POLR3B: variants seen among roughly 807,000 people sequenced by gnomAD.
The protein encoded by POLR3B is DNA-directed RNA polymerase III subunit RPC2.
POLR3B carries 96 observed loss-of-function variants against 147.4 expected under a neutral mutation model. That is an observed-to-expected ratio of 0.65 (90% CI 0.55 to 0.77). The LOEUF is 0.77. Among genes scored for constraint, POLR3B ranks in the 30% least tolerant of loss-of-function variants. POLR3B has a pLI of 0.00. For synonymous variants in POLR3B, 461 were observed against 485.9 expected (o/e 0.95, Z 0.67); for missense variants, 1,036 against 1,413.5 (o/e 0.73, Z 4.28).
At chr12:106,491,187 T>G (rs2137068771) in intron 23 of POLR3B, among the ~76,000 whole-genome samples, 1 of 152,350 alleles carries the variant, frequency 6.6e-6, no homozygotes, top group Admixed American at 6.5e-5. Context: ...TTAGCTCATC[T>G]GTTCTTCTAA....
intron 9 of POLR3B, among the ~76,000 whole-genome samples, chr12:106,391,763 G>A (rs1009751819): frequency 6.6e-6 from 1 of 152,340 alleles, no homozygotes; most frequent in Middle Eastern, 3.4e-3. Context: ...CTTTTAGATA[G>A]ATGCCCCTGT....
intron 24 of POLR3B, 81 bp downstream of exon 24, chr12:106,496,239 G>A (rs1285822197): frequency 1.1e-6 from 1 of 889,556 alleles, no homozygotes; most frequent in South Asian, 1.3e-5. Flanking sequence ...GAGTGGAGGT[G>A]ACGAGGACTC....
At position 106,454,524 on chromosome 12, in the gene POLR3B, A is replaced by G. The variant is rs1200749721; in HGVS notation, c.2106A>G (p.Arg702=). 6 of 1,596,858 alleles carry G rather than the reference A, an allele frequency of 3.8e-6. No homozygotes were observed. The highest frequency in any genetic ancestry group is 1.3e-5 in the African/African-American group (1 of 74,544). Residue 702 remains arginine, a synonymous_variant, in exon 20 of 28, where the codon CGA becomes CGG. Transcript: ENST00000228347. ...QAMGTIGYNQ[R]NRIDTLMYLL... is the part of the protein sequence containing the mutation. Reference sequence around the variant, plus strand: ...CAGGTACTATAGGATACAACCAGCGAAACAGAATTGATACTCTCATGTATC... The same window carrying G: ...CAGGTACTATAGGATACAACCAGCGGAACAGAATTGATACTCTCATGTATC...
intron 18 of POLR3B, among the ~76,000 whole-genome samples, chr12:106,442,091 AAG>A (rs762993956): frequency 1.0e-4 from 8 of 78,924 alleles, no homozygotes; most frequent in African/African-American, 4.8e-4. Context: ...AAAAAAAAAA[AAG>A]AAAGAAAGAA....
At chr12:106,391,370 A>G (rs993455187) in intron 9 of POLR3B, among the ~76,000 whole-genome samples, 2 of 152,108 alleles carry the variant, frequency 1.3e-5, no homozygotes, top group Non-Finnish European at 2.9e-5. Flanking sequence ...ATTTTTTTCT[A>G]TAGAGGTGAG....
At chr12:106,467,099 C>G (rs1291199549) in intron 23 of POLR3B, among the ~76,000 whole-genome samples, 5 of 152,144 alleles carry the variant, frequency 3.3e-5, no homozygotes, top group African/African-American at 9.7e-5. Context: ...GAATGTTTTT[C>G]CATTTGTTTG....
intron 23 of POLR3B, among the ~76,000 whole-genome samples, chr12:106,472,432 C>T (rs1160178711): frequency 4.0e-5 from 6 of 148,202 alleles, no homozygotes; most frequent in South Asian, 4.3e-4. Flanking sequence ...CCTGAGGAAT[C>T]GCCACACTGA....
chr12:106,410,091 C>T (rs972297129), intron 11 of POLR3B, among the ~76,000 whole-genome samples: 103 of 152,316 alleles, frequency 6.8e-4, no homozygotes, highest in African/African-American at 2.4e-3. Flanking sequence ...CATGTTAGTA[C>T]AATTCTTGTT....
chr12:106,456,724 A>T (rs1274990228), intron 20 of POLR3B, among the ~76,000 whole-genome samples: 1 of 152,076 alleles, frequency 6.6e-6, no homozygotes, highest in Non-Finnish European at 1.5e-5. Flanking sequence ...TTGGCCACTT[A>T]ATTTCTCTAG....
chr12:106,477,827 C>A (rs796837444), intron 23 of POLR3B, among the ~76,000 whole-genome samples: 20 of 147,796 alleles, frequency 1.4e-4, no homozygotes, highest in African/African-American at 4.9e-4. Context: ...CCGTCTTCTG[C>A]GTCGCTCACG....
rs1426526169 is a variant in POLR3B at position 106,405,698 on chromosome 12, T to A, written c.847-159T>A. The stretch of plus-strand genomic sequence containing the variant: ...AGGCAGTATGCTATGCTTTTTGTCA[T>A]TGATTTATGATAAACGTTGATTTTC... On this transcript the variant is annotated intron_variant, in intron 10 of 27. Coordinates refer to ENST00000228347, the MANE Select transcript of POLR3B (RefSeq NM_018082.6). Among the ~76,000 whole-genome samples, 4 of 152,162 alleles carry A rather than the reference T, an allele frequency of 2.6e-5. No individual in the cohort carries two copies. The South Asian group carries it at 8.3e-4, about 32-fold the overall frequency.
At chr12:106,364,109 A>G (rs1422178194) in intron 2 of POLR3B, among the ~76,000 whole-genome samples, 2 of 152,246 alleles carry the variant, frequency 1.3e-5, no homozygotes, top group Non-Finnish European at 2.9e-5. Flanking sequence ...GAGAAGTAGT[A>G]GTACATGCAC....
At chr12:106,402,561 C>T (rs1216457973) in intron 10 of POLR3B, among the ~76,000 whole-genome samples, 1 of 151,716 alleles carries the variant, frequency 6.6e-6, no homozygotes, top group Non-Finnish European at 1.5e-5. Context: ...CTTCAAACTA[C>T]CACAAGTCTA....
chr12:106,375,362 C>G (rs2136895822), intron 6 of POLR3B, among the ~76,000 whole-genome samples: 1 of 152,238 alleles, frequency 6.6e-6, no homozygotes, highest in African/African-American at 2.4e-5. Context: ...TTATGGCTTT[C>G]ATATGTCTTT....
intron 11 of POLR3B, among the ~76,000 whole-genome samples, chr12:106,407,700 A>C (rs974836489): frequency 1.3e-5 from 2 of 151,970 alleles, no homozygotes; most frequent in African/African-American, 4.8e-5. Context: ...GTGGTGGTGC[A>C]TGCCTGTAAT....
chr12:106,372,056 A>AT (rs1169601737), intron 6 of POLR3B, among the ~76,000 whole-genome samples: 1 of 152,102 alleles, frequency 6.6e-6, no homozygotes, highest in Non-Finnish European at 1.5e-5. Flanking sequence ...TTCATAAAAA[A>AT]GACCTCTAGT....
At chr12:106,467,205 T>C (rs969046306) in intron 23 of POLR3B, among the ~76,000 whole-genome samples, 6 of 152,188 alleles carry the variant, frequency 3.9e-5, no homozygotes, top group Non-Finnish European at 8.8e-5. Flanking sequence ...TTTTATTCTC[T>C]TTGAAGCAAT....
intron 6 of POLR3B, among the ~76,000 whole-genome samples, chr12:106,372,852 A>G (rs2036628295): frequency 6.7e-6 from 1 of 149,156 alleles, no homozygotes; most frequent in African/African-American, 2.5e-5. Flanking sequence ...TCTTCATGTC[A>G]TATTACATAA....
intron 23 of POLR3B, among the ~76,000 whole-genome samples, chr12:106,477,638 C>T (rs1475238618): frequency 1.2e-4 from 19 of 152,228 alleles, no homozygotes; most frequent in South Asian, 4.1e-4. Flanking sequence ...CAGGTGCGTC[C>T]GTCACCCCTT....
Sources: allele counts gnomAD v4.1 joint callset (sites outside exome capture counted in the v4.1 genomes callset), GRCh38; gene constraint gnomAD v4.1.1; transcripts MANE v1.5; gene names NCBI Gene and HGNC (gene_info 2026-07-23, HGNC 2026-07-21).